The following ADAM9 variants were observed in gnomAD, a reference collection of about 807,000 sequenced individuals.
ADAM9 encodes disintegrin and metalloproteinase domain-containing protein 9.
ADAM9 carries 54 observed loss-of-function variants against 108.1 expected under a neutral mutation model. The ratio of observed to expected loss-of-function variants is 0.50; its 90% confidence interval spans 0.40 to 0.63. ADAM9 has a LOEUF of 0.63. Ranked by LOEUF, ADAM9 falls within the 20% of genes least tolerant of loss-of-function variation. The pLI is 0.00. For missense variants in ADAM9, 830 were observed against 997.7 expected (o/e 0.83, Z 2.26); for synonymous variants, 316 against 336.0 (o/e 0.94, Z 0.65).
rs150497572 is a variant in ADAM9, at chr8:39,101,784, A to G, written c.2299-79A>G. 405 of 1,135,154 alleles carry G rather than the reference A, an allele frequency of 3.6e-4. No homozygotes were observed. The African/African-American group carries it at 5.6e-3, about 16-fold the overall frequency. The allele number at this position is 1,135,154 out of a possible 1,614,324, so 70.3% of individuals were successfully genotyped here. A position where few individuals can be genotyped will look rare whatever the true frequency, so the allele number is the denominator to read the frequency against. ...AACTGTAGTCTGTTTATTGATTTTA[A>G]ATATGTAGATTTCTTCTATTTAGAA... On this transcript the variant is annotated intron_variant, in intron 20 of 21. Coordinates refer to ENST00000487273, the MANE Select transcript of ADAM9 (RefSeq NM_003816.3).
Position 39,091,299 on chromosome 8 carries a change from G to T in ADAM9, c.2251G>T (p.Gly751Trp). 1 of 1,614,100 alleles carries T rather than the reference G, an allele frequency of 6.2e-7. No individual in the cohort carries two copies. The highest frequency in any genetic ancestry group is 8.5e-7 in the Non-Finnish European group (1 of 1,180,000). Residue 751 changes from glycine (G) to tryptophan (W), a missense_variant, in exon 20 of 22, where the codon GGG becomes TGG. By Grantham distance (184) the Gly-to-Trp change is radical. Coordinates refer to ENST00000487273, the MANE Select transcript of ADAM9 (RefSeq NM_003816.3). Reference protein sequence around the residue: ...KNQANPSRQPGSVPRHVSPVT... With the variant: ...KNQANPSRQPWSVPRHVSPVT... ...TCAAGCAAACCCTTCTAGACAGCCG[G>T]GGAGTGTTCCTCGACATGTTTCTCC...
At chr8:39,002,538 G>A (rs1045030162) in intron 1 of ADAM9, among the ~76,000 whole-genome samples, 1 of 151,808 alleles carries the variant, frequency 6.6e-6, no homozygotes, top group Non-Finnish European at 1.5e-5. Flanking sequence ...GGCCAGGCTG[G>A]TCTGGAATTC....
At chr8:39,091,110 T>C (rs1051927715) in intron 19 of ADAM9, 149 bp from the exon 20 acceptor site, 15 of 731,610 alleles carry the variant, frequency 2.1e-5, no homozygotes, top group Non-Finnish European at 1.9e-5. Flanking sequence ...GCTGTTAAAA[T>C]GCCCTAAAAA....
At position 39,091,202 on chromosome 8, in the gene ADAM9, A is replaced by G. The variant is rs1588430672; in HGVS notation, c.2211-57A>G. 6 of 1,508,874 alleles carry G rather than the reference A, an allele frequency of 4.0e-6. No homozygotes were observed. In the East Asian group the frequency reaches 1.4e-4, roughly 34 times the overall value. The allele number at this position is 1,508,874 out of a possible 1,614,324, so 93.5% of individuals were successfully genotyped here. A position where few individuals can be genotyped will look rare whatever the true frequency, so the allele number is the denominator to read the frequency against. On this transcript the variant is annotated intron_variant, in intron 19 of 21. Coordinates refer to ENST00000487273, the MANE Select transcript of ADAM9 (RefSeq NM_003816.3). Reference sequence around the variant, plus strand: ...TGGGAAAATGCAAAATGTGTGTAATATTTCATGTAGAAATGTTTTTATCTT... The same window carrying G: ...TGGGAAAATGCAAAATGTGTGTAATGTTTCATGTAGAAATGTTTTTATCTT...
chr8:39,072,809 T>G (rs965753212), intron 15 of ADAM9, among the ~76,000 whole-genome samples: 3 of 152,268 alleles, frequency 2.0e-5, no homozygotes, highest in African/African-American at 7.2e-5. Flanking sequence ...TTCTTTTTCA[T>G]AGAATTTGAT....
chr8:39,073,277 T>G (rs1180007800), intron 15 of ADAM9, among the ~76,000 whole-genome samples: 1 of 152,236 alleles, frequency 6.6e-6, no homozygotes, highest in African/African-American at 2.4e-5. Context: ...TCTCCAGTTA[T>G]GATTGTGGAT....
chr8:39,066,101 A>G (rs971588880), intron 14 of ADAM9, among the ~76,000 whole-genome samples: 3 of 152,216 alleles, frequency 2.0e-5, no homozygotes, highest in African/African-American at 7.2e-5. Context: ...TCATGGCTGC[A>G]TAATATTCCA....
At chr8:39,082,596 C>G (rs752006903) in intron 16 of ADAM9, 45 bp from the exon 17 acceptor site, 2 of 1,499,460 alleles carry the variant, frequency 1.3e-6, no homozygotes, top group Admixed American at 3.4e-5. Flanking sequence ...TTTTTAATGA[C>G]TGTGCTCAAT....
chr8:39,094,863 G>T (rs1839453964), intron 20 of ADAM9, among the ~76,000 whole-genome samples: 1 of 151,768 alleles, frequency 6.6e-6, no homozygotes, highest in Non-Finnish European at 1.5e-5. Context: ...CCAACTCTTA[G>T]TTTTATTGAT....
chr8:39,019,179 A>T (rs1006939292), intron 7 of ADAM9, among the ~76,000 whole-genome samples: 14 of 151,754 alleles, frequency 9.2e-5, no homozygotes, highest in Admixed American at 2.0e-4. Context: ...GCTTATGCTG[A>T]ATTTTTTGAG....
At chr8:39,102,831 T>G (rs577999954) in intron 21 of ADAM9, among the ~76,000 whole-genome samples, 1 of 152,342 alleles carries the variant, frequency 6.6e-6, no homozygotes, top group African/African-American at 2.4e-5. Context: ...ACTCAATGGA[T>G]GGGCTTAAAA....
chr8:39,038,545 T>C (rs1434682425), intron 11 of ADAM9, among the ~76,000 whole-genome samples: 1 of 152,202 alleles, frequency 6.6e-6, no homozygotes, highest in Non-Finnish European at 1.5e-5. Context: ...ATAGCACTTA[T>C]TACCTTATAA....
chr8:39,055,061 C>T (rs1333609283), intron 13 of ADAM9, among the ~76,000 whole-genome samples: 1 of 152,042 alleles, frequency 6.6e-6, no homozygotes, highest in Non-Finnish European at 1.5e-5. Flanking sequence ...TTCTATAATA[C>T]ATGGTTATTT....
At chr8:39,002,086 A>G (rs1836012728) in intron 1 of ADAM9, among the ~76,000 whole-genome samples, 1 of 151,010 alleles carries the variant, frequency 6.6e-6, no homozygotes, top group Non-Finnish European at 1.5e-5. Context: ...GCACCAACCT[A>G]TTATATGGCT....
intron 20 of ADAM9, among the ~76,000 whole-genome samples, chr8:39,091,675 C>G (rs1410237353): frequency 6.6e-6 from 1 of 152,076 alleles, no homozygotes; most frequent in Non-Finnish European, 1.5e-5. Context: ...TTCATAGAGA[C>G]GGGGTCTCAC....
At chr8:39,042,426 CTTTA>C (rs1292530656) in intron 12 of ADAM9, among the ~76,000 whole-genome samples, 2 of 152,204 alleles carry the variant, frequency 1.3e-5, no homozygotes, top group African/African-American at 4.8e-5. Context: ...TCACCTGGCT[CTTTA>C]TTTGTAAGCT....
At chr8:39,002,131 A>C (rs921838057) in intron 1 of ADAM9, among the ~76,000 whole-genome samples, 5 of 151,706 alleles carry the variant, frequency 3.3e-5, no homozygotes, top group Admixed American at 2.6e-4. Context: ...TAATTGAAAC[A>C]ATTTCTCTAC....
At chr8:39,100,425 G>A (rs537004820) in intron 20 of ADAM9, among the ~76,000 whole-genome samples, 10 of 151,514 alleles carry the variant, frequency 6.6e-5, no homozygotes, top group South Asian at 2.1e-4. Flanking sequence ...CCTGGGAGGC[G>A]GAGCTTGCAG....
chr8:39,048,541 A>T (rs1837848911), intron 12 of ADAM9, among the ~76,000 whole-genome samples: 1 of 152,184 alleles, frequency 6.6e-6, no homozygotes, highest in African/African-American at 2.4e-5. Context: ...AATAGTATGT[A>T]TTCTGCCACT....
Sources: gnomAD v4.1 joint callset for allele counts (sites outside exome capture counted in the v4.1 genomes callset) on GRCh38, gnomAD v4.1.1 for gene constraint, MANE v1.5 for transcripts, NCBI Gene and HGNC (gene_info 2026-07-23, HGNC 2026-07-21) for gene names.